Variants in ZNF69 observed in about 807,000 individuals in gnomAD.
ZNF69 encodes ZNF3.
A neutral mutation model predicts 50.9 loss-of-function variants in ZNF69; 47 were observed. That is an observed-to-expected ratio of 0.92 (90% CI 0.73 to 1.18). The LOEUF is 1.18. Among genes scored for constraint, ZNF69 ranks in the 50% most tolerant of loss-of-function variants. ZNF69 has a pLI of 0.00. For synonymous variants in ZNF69, 216 were observed against 223.1 expected (o/e 0.97, Z 0.29); for missense variants, 717 against 675.1 (o/e 1.06, Z -0.69).
intron 4 of ZNF69, among the ~76,000 whole-genome samples, chr19:11,911,836 G>T (rs535995035): frequency 6.6e-6 from 1 of 152,066 alleles, no homozygotes; most frequent in Admixed American, 6.6e-5. Flanking sequence ...AATAATAAAA[G>T]AATGCACTCT....
At chr19:11,903,834 G>A in intron 2 of ZNF69, 71 bp from the exon 3 acceptor site, 2 of 1,605,402 alleles carry the variant, frequency 1.2e-6, no homozygotes, top group South Asian at 2.2e-5. Flanking sequence ...GTAAATCATG[G>A]GCATAGAATC....
At chr19:11,965,099 G>C in the ZNF69 span, 2 of 1,465,400 alleles carry the variant, frequency 1.4e-6, no homozygotes, top group South Asian at 2.3e-5. Context: ...CCATCCCCGA[G>C]AGGGACCTGG....
At chr19:11,974,069 T>TTTTCTTTCTTTCTTTCTTTCTTTC in the ZNF69 span, among the ~76,000 whole-genome samples, 1 of 114,854 alleles carries the variant, frequency 8.7e-6, no homozygotes, top group Admixed American at 9.6e-5. Context: ...TCCTTCTTTC[T>TTTTCTTTCTTTCTTTCTTTCTTTC]TTTCTTTCTT....
chr19:11,943,839 T>G, the ZNF69 span, among the ~76,000 whole-genome samples: 1 of 152,232 alleles, frequency 6.6e-6, no homozygotes, highest in Non-Finnish European at 1.5e-5. Context: ...CATGATGAGT[T>G]TCCTCATGCT....
chr19:11,939,607 C>T, the ZNF69 span, among the ~76,000 whole-genome samples: 5 of 152,258 alleles, frequency 3.3e-5, no homozygotes, highest in South Asian at 2.1e-4. Flanking sequence ...GTACCAGTAC[C>T]ATGCTGTTGC....
At chr19:11,909,403 G>A (rs1289424198), downstream of ZNF69, among the ~76,000 whole-genome samples, 3 of 152,118 alleles carry the variant, frequency 2.0e-5, no homozygotes, top group Non-Finnish European at 4.4e-5. Context: ...GATGAACATC[G>A]ATGCAAAAAT....
intron 1 of ZNF69, among the ~76,000 whole-genome samples, chr19:11,893,659 C>CG (rs1038041647): frequency 6.6e-6 from 1 of 152,172 alleles, no homozygotes; most frequent in African/African-American, 2.4e-5. Context: ...TAGAACTGCC[C>CG]GGGGCTGACT....
the ZNF69 span, among the ~76,000 whole-genome samples, chr19:11,959,140 G>A: frequency 6.6e-6 from 1 of 152,138 alleles, no homozygotes; most frequent in African/African-American, 2.4e-5. Context: ...ACCTGCCTCA[G>A]CCTCCCAAAG....
At position 11,887,822 on chromosome 19, in the gene ZNF69, C is replaced by T. The variant is rs572961955; in HGVS notation, c.-102C>T. 2 of 1,024,028 alleles carry T rather than the reference C, an allele frequency of 2.0e-6. No individual in the cohort carries two copies. The highest frequency in any genetic ancestry group is 2.7e-5 in the East Asian group (1 of 36,782). The allele number at this position is 1,024,028 out of a possible 1,614,324, so 63.4% of individuals were successfully genotyped here. A position where few individuals can be genotyped will look rare whatever the true frequency, so the allele number is the denominator to read the frequency against. ...ACTGAGGGGGTCGCATTCCTTACCT[C>T]ACCTTTGTCCCTGCGCGGGCTGCGG... On this transcript the variant is annotated 5_prime_UTR_variant, in exon 1 of 4. Transcript: ENST00000429654.
chr19:11,913,377 C>A, intron 4 of ZNF69: 1 of 604,568 alleles, frequency 1.7e-6, no homozygotes, highest in South Asian at 2.0e-5. Flanking sequence ...TTTATCTCAA[C>A]CCTAATTTTT....
chr19:11,961,500 G>C, the ZNF69 span, among the ~76,000 whole-genome samples: 1 of 152,180 alleles, frequency 6.6e-6, no homozygotes, highest in Non-Finnish European at 1.5e-5. Flanking sequence ...GATCTACCTG[G>C]AATGTCTCCA....
intron 1 of ZNF69, among the ~76,000 whole-genome samples, 156 bp downstream of exon 1, chr19:11,888,142 C>A (rs946780360): frequency 6.6e-6 from 1 of 152,188 alleles, no homozygotes; most frequent in Non-Finnish European, 1.5e-5. Context: ...CTCGACTGCT[C>A]GGTGTGGCTG....
chr19:11,948,839 A>T, the ZNF69 span: 1 of 1,609,028 alleles, frequency 6.2e-7, no homozygotes, highest in African/African-American at 1.3e-5. Context: ...GAAAGAACTC[A>T]CACTGGGGAG....
the ZNF69 span, among the ~76,000 whole-genome samples, chr19:11,956,818 C>A: frequency 1.1e-3 from 168 of 152,248 alleles, 1 homozygote; most frequent in Non-Finnish European, 1.8e-3. Context: ...CACACCATTG[C>A]ACTTCAGATT....
chr19:11,948,461 G>T, the ZNF69 span: 1 of 1,614,006 alleles, frequency 6.2e-7, no homozygotes, highest in Non-Finnish European at 8.5e-7. Context: ...ATGAGCATCA[G>T]AGGTGACACT....
At chr19:11,962,930 AAGG>A in the ZNF69 span, among the ~76,000 whole-genome samples, 1 of 152,098 alleles carries the variant, frequency 6.6e-6, no homozygotes, top group African/African-American at 2.4e-5. Flanking sequence ...CATTGACTGC[AAGG>A]AGGTCATCCT....
the ZNF69 span, among the ~76,000 whole-genome samples, chr19:11,944,640 A>G: frequency 1.3e-5 from 2 of 152,222 alleles, no homozygotes; most frequent in African/African-American, 4.8e-5. Flanking sequence ...GAGTATGTAC[A>G]CACAAGAACT....
chr19:11,977,020 A>G, the ZNF69 span: 8 of 1,613,838 alleles, frequency 5.0e-6, no homozygotes, highest in South Asian at 2.2e-5. Context: ...CCTCCTCTAC[A>G]CATGTGAGAT....
downstream of ZNF69, among the ~76,000 whole-genome samples, chr19:11,910,908 T>C (rs1483734001): frequency 2.6e-5 from 4 of 152,092 alleles, no homozygotes; most frequent in African/African-American, 9.7e-5. Flanking sequence ...GGAGAAAATT[T>C]TTACAATCTA....
Sources: allele counts gnomAD v4.1 joint callset (sites outside exome capture counted in the v4.1 genomes callset), GRCh38; gene constraint gnomAD v4.1.1; transcripts MANE v1.5; gene names NCBI Gene and HGNC (gene_info 2026-07-23, HGNC 2026-07-21).